ARID1B: variants seen among roughly 807,000 people sequenced by gnomAD.
ARID1B encodes AT-rich interaction domain 1B.
In ARID1B, 30 loss-of-function variants were observed where a neutral mutation model predicts 212.3. The observed-to-expected ratio is 0.14, with a 90% CI of 0.11 to 0.19. The LOEUF (loss-of-function observed/expected upper bound fraction) is 0.19. Ranked by LOEUF, ARID1B falls within the 10% of genes least tolerant of loss-of-function variation. ARID1B has a pLI of 1.00. For synonymous variants in ARID1B, 1,402 were observed against 1,301.7 expected, an observed-to-expected ratio of 1.08 and a Z score of -1.66; for missense variants, 2,891 against 3,204.0, an observed-to-expected ratio of 0.90 and a Z score of 2.36.
intron 5 of ARID1B, among the ~76,000 whole-genome samples, chr6:157,102,017 T>A (rs1457820678): frequency 1.3e-5 from 2 of 152,248 alleles, no homozygotes; most frequent in Non-Finnish European, 2.9e-5. Context: ...TTTCTATATC[T>A]ATTAGTATTA....
intron 5 of ARID1B, among the ~76,000 whole-genome samples, chr6:157,086,237 C>G (rs1295430457): frequency 1.3e-5 from 2 of 152,164 alleles, no homozygotes; most frequent in Non-Finnish European, 2.9e-5. Context: ...TTCTAAGATT[C>G]ATCTGTAATT....
intron 19 of ARID1B, chr6:157,204,677 C>CTTCA (rs1794327957): frequency 6.6e-6 from 1 of 152,164 alleles, no homozygotes; most frequent in Admixed American, 6.5e-5. Context: ...CAGAGGTAGG[C>CTTCA]TTCAGGTAGC....
chr6:157,014,139 G>C (rs983782945), intron 4 of ARID1B, among the ~76,000 whole-genome samples: 3 of 152,208 alleles, frequency 2.0e-5, no homozygotes, highest in Non-Finnish European at 2.9e-5. Flanking sequence ...GCTACTGAGG[G>C]AGCATGTGAC....
At chr6:156,908,912 G>A (rs1789628730) in intron 3 of ARID1B, among the ~76,000 whole-genome samples, 1 of 151,978 alleles carries the variant, frequency 6.6e-6, no homozygotes, top group African/African-American at 2.4e-5. Context: ...AGAATATACA[G>A]ATACACAGAA....
intron 3 of ARID1B, among the ~76,000 whole-genome samples, chr6:156,907,036 C>T (rs542708366): frequency 6.6e-6 from 1 of 152,232 alleles, no homozygotes; most frequent in African/African-American, 2.4e-5. Context: ...TTTGTGAAGT[C>T]TCAGGTTTTT....
chr6:157,039,741 C>CT (rs1781686148), intron 4 of ARID1B, among the ~76,000 whole-genome samples: 1 of 74,852 alleles, frequency 1.3e-5, no homozygotes, highest in African/African-American at 5.9e-5. Flanking sequence ...CCCTCCCTCC[C>CT]TCCCTTCCTT....
At chr6:156,958,662 A>G (rs1230660405) in intron 4 of ARID1B, among the ~76,000 whole-genome samples, 1 of 152,214 alleles carries the variant, frequency 6.6e-6, no homozygotes, top group African/African-American at 2.4e-5. Context: ...CTTTTGAATA[A>G]TCATTATTTT....
chr6:156,916,829 G>C (rs1279331622), intron 3 of ARID1B, among the ~76,000 whole-genome samples: 1 of 152,130 alleles, frequency 6.6e-6, no homozygotes, highest in African/African-American at 2.4e-5. Flanking sequence ...TTCCTGTTAA[G>C]GCACACATTT....
At chr6:156,813,108 A>ATT (rs71027315) in intron 1 of ARID1B, among the ~76,000 whole-genome samples, 1 of 105,564 alleles carries the variant, frequency 9.5e-6, no homozygotes, top group African/African-American at 3.7e-5. Context: ...ATATATATAT[A>ATT]TTTTTTTTTT....
At chr6:156,853,509 C>T (rs1003191988) in intron 2 of ARID1B, among the ~76,000 whole-genome samples, 1 of 151,982 alleles carries the variant, frequency 6.6e-6, no homozygotes, top group African/African-American at 2.4e-5. Context: ...GCTTTTTTCT[C>T]CTCCCACGTG....
chr6:157,109,135 C>G (rs1228335420), intron 5 of ARID1B, among the ~76,000 whole-genome samples: 1 of 152,106 alleles, frequency 6.6e-6, no homozygotes, highest in East Asian at 1.9e-4. Context: ...ATTCTGGGAC[C>G]GTGTCCTGCC....
intron 4 of ARID1B, chr6:156,942,153 A>G (rs931274187): frequency 1.2e-4 from 19 of 152,214 alleles, no homozygotes; most frequent in African/African-American, 4.6e-4. Context: ...AGTATGAAGG[A>G]GTACTATAAA....
At chr6:157,057,000 G>T (rs1252992519) in intron 4 of ARID1B, among the ~76,000 whole-genome samples, 1 of 144,056 alleles carries the variant, frequency 6.9e-6, no homozygotes, top group African/African-American at 2.5e-5. Context: ...TACCCCAGTT[G>T]TTTGAATTTT....
intron 8 of ARID1B, among the ~76,000 whole-genome samples, chr6:157,155,290 G>GT (rs1346057824): frequency 6.6e-6 from 1 of 152,156 alleles, no homozygotes; most frequent in Non-Finnish European, 1.5e-5. Flanking sequence ...GAGTATGGCT[G>GT]TTAAAGTACG....
chr6:157,181,928 T>A (rs1273308997), intron 12 of ARID1B, among the ~76,000 whole-genome samples: 1 of 152,114 alleles, frequency 6.6e-6, no homozygotes, highest in Non-Finnish European at 1.5e-5. Flanking sequence ...CCCCAAAGCA[T>A]AGATGAGAAA....
rs1334714871 is a variant in ARID1B at position 156,779,111 on chromosome 6, C to T, written c.1431C>T (p.Ala477=). 4 of 1,234,088 alleles carry T rather than the reference C, an allele frequency of 3.2e-6. No homozygotes were observed. Among genetic ancestry groups the T allele is most frequent in the Non-Finnish European group, 4.0e-6 (4 of 989,496 alleles). 76.4% of individuals were successfully genotyped at this position (1,234,088 alleles called of 1,614,324 possible). A position where few individuals can be genotyped will look rare whatever the true frequency, so the allele number is the denominator to read the frequency against. ...GGGCCGCGAGCCTCAGCAAGGCGGC[C>T]GCCGGCTCGGCGGCGGGGGGCTTCC... The part of the protein sequence containing the change: ...GGGAASLSKA[A]AGSAAGGFQR... The change falls in exon 1 of 20, where the codon GCC becomes GCT. Residue 477 remains alanine (A), a synonymous_variant. Coordinates refer to ENST00000636930, the MANE Select transcript of ARID1B (RefSeq NM_001374828.1).
At chr6:157,072,961 A>G (rs1784080872) in intron 4 of ARID1B, among the ~76,000 whole-genome samples, 1 of 152,232 alleles carries the variant, frequency 6.6e-6, no homozygotes, top group Non-Finnish European at 1.5e-5. Context: ...TAGTGTTTAT[A>G]TACTTTAAAG....
At position 157,149,351 on chromosome 6, in the gene ARID1B, C is replaced by A. The variant is rs546153547; in HGVS notation, c.3089+400C>A. ...AAACATTCAAAAGGAACACACTCCC[C>A]ACCTTTTTTTCACCCTACCACAAGA... is the stretch of plus-strand genomic sequence containing the variant. On this transcript the variant is annotated intron_variant, in intron 8 of 19. Transcript: ENST00000636930. 13 of 192,460 alleles carry A rather than the reference C, an allele frequency of 6.8e-5. No homozygotes were observed. In the East Asian group the frequency reaches 1.4e-3, roughly 21 times the overall value. The allele number at this position is 192,460 out of a possible 1,614,324, so 11.9% of individuals were successfully genotyped here.
intron 8 of ARID1B, among the ~76,000 whole-genome samples, chr6:157,163,031 G>T (rs1791047407): frequency 6.6e-6 from 1 of 152,110 alleles, no homozygotes; most frequent in African/African-American, 2.4e-5. Context: ...GTTTCTGTAG[G>T]GTTTCACATT....
Sources: allele counts gnomAD v4.1 joint callset (sites outside exome capture counted in the v4.1 genomes callset), GRCh38; gene constraint gnomAD v4.1.1; transcripts MANE v1.5; gene names NCBI Gene and HGNC (gene_info 2026-07-23, HGNC 2026-07-21).